COL6A6: variants seen among roughly 807,000 people sequenced by gnomAD.
The protein encoded by COL6A6 is collagen alpha-6(VI) chain.
COL6A6 carries 183 observed loss-of-function variants against 208.6 expected under a neutral mutation model. That is an observed-to-expected ratio of 0.88 (90% CI 0.78 to 0.99). The LOEUF is 0.99. Ranked by LOEUF, COL6A6 falls within the 50% of genes least tolerant of loss-of-function variation. The pLI is 0.00. For synonymous variants in COL6A6, 973 were observed against 1,011.8 expected (o/e 0.96, Z 0.73); for missense variants, 2,816 against 2,815.2 (o/e 1.00, Z -0.01).
At chr3:130,524,842 A>T (rs2061926145) in intron 1 of COL6A6, among the ~76,000 whole-genome samples, 2 of 152,086 alleles carry the variant, frequency 1.3e-5, no homozygotes, top group Non-Finnish European at 2.9e-5. Context: ...GAGAAAGGAG[A>T]TGTGCGCTGT....
chr3:130,526,238 A>G (rs1178755629), intron 1 of COL6A6, among the ~76,000 whole-genome samples: 2 of 152,088 alleles, frequency 1.3e-5, no homozygotes, highest in Non-Finnish European at 2.9e-5. Flanking sequence ...GATCTGAGTG[A>G]ATATGGGAGG....
intron 23 of COL6A6, among the ~76,000 whole-genome samples, chr3:130,616,475 A>G (rs1471109098): frequency 1.3e-5 from 2 of 150,690 alleles, no homozygotes; most frequent in African/African-American, 4.9e-5. Context: ...TTTGAAAGGA[A>G]TGGCATATTC....
At chr3:130,614,996 A>T (rs2064474489) in intron 23 of COL6A6, among the ~76,000 whole-genome samples, 1 of 151,724 alleles carries the variant, frequency 6.6e-6, no homozygotes, top group African/African-American at 2.4e-5. Flanking sequence ...TCTGTATCTC[A>T]GTTTCCTTCA....
Position 130,620,035 on chromosome 3 carries a change from A to G in COL6A6, c.4816-1786A>G, listed in dbSNP as rs1443322247. Among the ~76,000 whole-genome samples the G allele has an allele frequency of 3.9e-5, 6 of 152,122 alleles. No individual in the cohort carries two copies. In the East Asian group the frequency reaches 1.2e-3, roughly 29 times the overall value. On this transcript the variant is annotated intron_variant, in intron 23 of 36. Coordinates refer to ENST00000358511, the MANE Select transcript of COL6A6 (RefSeq NM_001102608.3). ...TTGCAGCCTTGAACTTCTGGGCTCA[A>G]GTGATCCTCCTGCCTCAGCCTTCCA...
chr3:130,594,505 A>G (rs991991161), intron 18 of COL6A6, 162 bp downstream of exon 18: 2 of 579,184 alleles, frequency 3.5e-6, no homozygotes, highest in African/African-American at 3.8e-5. Flanking sequence ...GATCCTCTTC[A>G]TATACTGAAT....
intron 8 of COL6A6, among the ~76,000 whole-genome samples, chr3:130,577,915 A>G (rs1321384171): frequency 2.0e-5 from 3 of 152,212 alleles, no homozygotes; most frequent in African/African-American, 7.2e-5. Flanking sequence ...AGGACAATTT[A>G]CCAACAATTC....
intron 1 of COL6A6, among the ~76,000 whole-genome samples, chr3:130,534,784 A>G (rs756601737): frequency 6.6e-6 from 1 of 152,052 alleles, no homozygotes; most frequent in Non-Finnish European, 1.5e-5. Context: ...TCAAATTATT[A>G]CCATTGCTTC....
intron 17 of COL6A6, among the ~76,000 whole-genome samples, chr3:130,593,584 T>C (rs1382631316): frequency 1.3e-5 from 2 of 152,136 alleles, no homozygotes; most frequent in Non-Finnish European, 2.9e-5. Flanking sequence ...ATACTAGAAC[T>C]CTCAGGTCTT....
At chr3:130,621,397 A>T (rs115537588) in intron 23 of COL6A6, among the ~76,000 whole-genome samples, 1,696 of 152,320 alleles carry the variant, frequency 0.011, 40 homozygotes, top group African/African-American at 0.038. Context: ...TATACATATC[A>T]TATGATTTTC....
intron 13 of COL6A6, among the ~76,000 whole-genome samples, chr3:130,591,803 G>A (rs2063722494): frequency 6.6e-6 from 1 of 152,174 alleles, no homozygotes. Context: ...GAACAACTCA[G>A]TTACCTAACA....
chr3:130,543,501 A>G (rs7640641), intron 1 of COL6A6, among the ~76,000 whole-genome samples: 121,681 of 152,134 alleles, frequency 0.8, 49,398 homozygotes, highest in Non-Finnish European at 0.87. Flanking sequence ...TTAGCATAAC[A>G]GTTACACTTC....
chr3:130,672,007 T>C (rs1026581663), intron 36 of COL6A6, among the ~76,000 whole-genome samples: 2 of 152,266 alleles, frequency 1.3e-5, no homozygotes, highest in South Asian at 2.1e-4. Flanking sequence ...TAATGCCATA[T>C]GAATAATGCA....
intron 23 of COL6A6, among the ~76,000 whole-genome samples, chr3:130,620,885 G>A (rs1019939208): frequency 3.3e-5 from 5 of 152,134 alleles, no homozygotes; most frequent in Non-Finnish European, 5.9e-5. Context: ...CACTGGGGTT[G>A]GGATTATTTA....
intron 18 of COL6A6, among the ~76,000 whole-genome samples, chr3:130,596,041 T>C (rs1189764960): frequency 6.6e-6 from 1 of 152,226 alleles, no homozygotes; most frequent in Non-Finnish European, 1.5e-5. Flanking sequence ...TTTTCTTTAA[T>C]ATAACCTCTT....
At chr3:130,621,744 C>G in intron 23 of COL6A6, 77 bp from the exon 24 acceptor site, 1 of 1,265,358 alleles carries the variant, frequency 7.9e-7, no homozygotes. Context: ...GGTTCACTTT[C>G]CTCTTATAAG....
rs151016988 is a variant in COL6A6, at chr3:130,675,593, A to G, written c.*196A>G. On this transcript the variant is annotated 3_prime_UTR_variant, in exon 37 of 37. Transcript: ENST00000358511. Reference sequence around the variant, plus strand: ...ACAATTCCAGCACTCTACGACTGATATGTCGAAGAACTGTTTCATTAGAAG... The same window carrying G: ...ACAATTCCAGCACTCTACGACTGATGTGTCGAAGAACTGTTTCATTAGAAG... 443 of 453,746 alleles carry G rather than the reference A, an allele frequency of 9.8e-4. 2 individuals carry two copies. The East Asian group carries it at 0.014, about 14-fold the overall frequency. 28.1% of individuals were successfully genotyped at this position (453,746 alleles called of 1,614,324 possible).
chr3:130,604,305 A>G (rs2064113379), intron 20 of COL6A6, among the ~76,000 whole-genome samples: 3 of 151,940 alleles, frequency 2.0e-5, no homozygotes, highest in Admixed American at 6.6e-5. Flanking sequence ...CATCCTGGCT[A>G]ACACAGTGAA....
At chr3:130,582,541 G>T (rs2063449736) in intron 10 of COL6A6, among the ~76,000 whole-genome samples, 1 of 152,124 alleles carries the variant, frequency 6.6e-6, no homozygotes, top group African/African-American at 2.4e-5. Context: ...CCTTCCTTCA[G>T]ACCATGGATT....
intron 1 of COL6A6, among the ~76,000 whole-genome samples, chr3:130,531,512 A>G (rs1046548320): frequency 7.9e-5 from 12 of 152,178 alleles, no homozygotes; most frequent in South Asian, 6.2e-4. Flanking sequence ...CATAGCCTAC[A>G]TTCTCTTCCC....
Sources: gnomAD v4.1 joint callset for allele counts (sites outside exome capture counted in the v4.1 genomes callset) on GRCh38, gnomAD v4.1.1 for gene constraint, MANE v1.5 for transcripts, NCBI Gene and HGNC (gene_info 2026-07-23, HGNC 2026-07-21) for gene names.